The following IL1RL2 variants were observed in gnomAD, a reference collection of about 807,000 sequenced individuals.
IL1RL2 encodes the protein interleukin 1 receptor like 2.
A neutral mutation model predicts 66.8 loss-of-function variants in IL1RL2; 68 were observed. The ratio of observed to expected loss-of-function variants is 1.02; its 90% CI spans 0.84 to 1.25. The LOEUF is 1.25. Ranked by LOEUF, IL1RL2 falls within the 50% of genes most tolerant of loss-of-function variation. IL1RL2 has a pLI of 0.00. For synonymous variants in IL1RL2, 305 were observed against 264.6 expected (o/e 1.15, Z -1.48); for missense variants, 729 against 709.3 (o/e 1.03, Z -0.32).
intron 11 of IL1RL2, 117 bp from the exon 12 acceptor site, chr2:102,239,075 C>A: frequency 1.2e-6 from 1 of 822,668 alleles, no homozygotes; most frequent in South Asian, 1.4e-5. Context: ...CAGGGATATA[C>A]CACCAGATGA....
At chr2:102,225,437 G>A (rs1241513418) in intron 8 of IL1RL2, among the ~76,000 whole-genome samples, 1 of 152,202 alleles carries the variant, frequency 6.6e-6, no homozygotes, top group African/African-American at 2.4e-5. Flanking sequence ...GAGTCCAGCT[G>A]TTCAACTTTG....
intron 4 of IL1RL2, among the ~76,000 whole-genome samples, chr2:102,199,945 G>GC (rs1350008356): frequency 6.6e-6 from 1 of 152,020 alleles, no homozygotes; most frequent in African/African-American, 2.4e-5. Context: ...GACTCCTTGA[G>GC]CTCAGGTGTT....
chr2:102,193,109 G>T (rs913825937), intron 4 of IL1RL2, among the ~76,000 whole-genome samples: 2 of 152,092 alleles, frequency 1.3e-5, no homozygotes, highest in Non-Finnish European at 2.9e-5. Context: ...TCAGAGACTT[G>T]TCAGTTCTAG....
chr2:102,213,212 AAAGT>A (rs1271047735), intron 6 of IL1RL2, among the ~76,000 whole-genome samples: 3 of 152,212 alleles, frequency 2.0e-5, no homozygotes, highest in Non-Finnish European at 4.4e-5. Context: ...ATTTACTAGG[AAAGT>A]AAGAGTCTAC....
intron 5 of IL1RL2, among the ~76,000 whole-genome samples, chr2:102,204,585 T>C (rs1225029994): frequency 6.6e-6 from 1 of 152,144 alleles, no homozygotes; most frequent in Non-Finnish European, 1.5e-5. Context: ...TTATATCCTC[T>C]TGCTGAATTG....
At chr2:102,196,058 TG>T (rs1346831171) in intron 4 of IL1RL2, among the ~76,000 whole-genome samples, 2 of 152,122 alleles carry the variant, frequency 1.3e-5, no homozygotes, top group African/African-American at 4.8e-5. Flanking sequence ...TCTTAAGTTT[TG>T]TATAAGTCCT....
chr2:102,199,342 T>C (rs1296773393), intron 4 of IL1RL2, among the ~76,000 whole-genome samples: 2 of 152,248 alleles, frequency 1.3e-5, no homozygotes. Flanking sequence ...TTCATGGTTT[T>C]CTGTGACAGG....
chr2:102,229,462 A>C (rs1223608223), intron 9 of IL1RL2, among the ~76,000 whole-genome samples: 2 of 152,174 alleles, frequency 1.3e-5, no homozygotes, highest in Non-Finnish European at 2.9e-5. Context: ...CTATGCACTC[A>C]CCAGCTGGGA....
chr2:102,207,016 A>G (rs1322700993), intron 5 of IL1RL2, among the ~76,000 whole-genome samples: 1 of 152,176 alleles, frequency 6.6e-6, no homozygotes, highest in Non-Finnish European at 1.5e-5. Context: ...CTCAGCATCC[A>G]TAGCCAGTGC....
intron 6 of IL1RL2, among the ~76,000 whole-genome samples, chr2:102,212,392 G>A (rs189962878): frequency 6.6e-6 from 1 of 152,300 alleles, no homozygotes; most frequent in East Asian, 1.9e-4. Context: ...GTCTGGCAAT[G>A]AGGACTATGG....
chr2:102,191,936 G>A lies in IL1RL2; in HGVS notation c.305G>A (p.Ser102Asn). The change falls in exon 4 of 12, where the codon AGC (serine) becomes AAC (asparagine). Residue 102 changes from serine (S) to asparagine (N), a missense_variant. Transcript: ENST00000264257. ...AATCTGTCTTACAGGGGTAGAGACA[G>A]CTGTCATAGAATACATGTAAACCTA... ...VYQCVIKGRD[S>N]CHRIHVNLTV... The A allele has an allele frequency of 6.2e-7, 1 of 1,607,574 alleles. No individual in the cohort carries two copies. The highest frequency in any genetic ancestry group is 8.5e-7 in the Non-Finnish European group (1 of 1,176,440).
At position 102,226,069 on chromosome 2, in the gene IL1RL2, C is replaced by T. The variant is rs771957765; in HGVS notation, c.1135+28C>T. ...AAGTGTGTGTAATCACTGAAAAATG[C>T]CTCAAAATTGGTATCCTCTTATACA... On this transcript the variant is annotated intron_variant, in intron 9 of 11. Transcript: ENST00000264257. 20 of 1,534,422 alleles carry T rather than the reference C, an allele frequency of 1.3e-5. No homozygotes were observed. In the South Asian group the frequency reaches 2.4e-4, roughly 18 times the overall value.
In IL1RL2 at chr2:102,192,065, C is replaced by T; in HGVS notation, c.434C>T (p.Thr145Ile). The T allele has an allele frequency of 6.2e-7, 1 of 1,610,728 alleles. No homozygotes were observed. The highest frequency in any genetic ancestry group is 8.5e-7 in the Non-Finnish European group (1 of 1,178,784). ...ILHLGKDDSL[T>I]CHLHFPKSCV... ...CATCTTGGAAAAGATGATAGTCTCA[C>T]ATGTCATCTGCACTTCCCGAAGAGT... Residue 145 changes from threonine to isoleucine, a missense_variant, in exon 4 of 12, where the codon ACA becomes ATA. Transcript: ENST00000264257.
chr2:102,195,617 CTTT>C (rs1687658778), intron 4 of IL1RL2, among the ~76,000 whole-genome samples: 1 of 17,146 alleles, frequency 5.8e-5, no homozygotes, highest in African/African-American at 1.4e-4. Flanking sequence ...TTCTTTCTTT[CTTT>C]CTTTCTTTCT....
chr2:102,233,455 C>T (rs568927089), intron 10 of IL1RL2, among the ~76,000 whole-genome samples: 4 of 152,306 alleles, frequency 2.6e-5, no homozygotes, highest in East Asian at 1.9e-4. Flanking sequence ...TGAAAGGTGG[C>T]GAGTGGTCAT....
chr2:102,227,499 C>T (rs1030428938), intron 9 of IL1RL2, among the ~76,000 whole-genome samples: 1 of 152,136 alleles, frequency 6.6e-6, no homozygotes, highest in Non-Finnish European at 1.5e-5. Context: ...TGACAAAAGT[C>T]ATCTGAACCT....
chr2:102,214,886 A>G (rs1438312661), intron 6 of IL1RL2, among the ~76,000 whole-genome samples: 3 of 152,206 alleles, frequency 2.0e-5, no homozygotes. Context: ...AAATAGCTAC[A>G]TTTTGACTAG....
At chr2:102,187,121 C>T in intron 1 of IL1RL2, 35 bp downstream of exon 1, 1 of 1,287,530 alleles carries the variant, frequency 7.8e-7, no homozygotes. Context: ...CTGAGCCAGG[C>T]ATGGGTGGGG....
chr2:102,188,605 G>GAAAAAAAAAA (rs1686939140), intron 2 of IL1RL2, among the ~76,000 whole-genome samples: 5 of 108,116 alleles, frequency 4.6e-5, no homozygotes, highest in Non-Finnish European at 6.1e-5. Context: ...AAAAAAAAAG[G>GAAAAAAAAAA]AAATTTGGTA....
Sources: gnomAD v4.1 joint callset for allele counts (sites outside exome capture counted in the v4.1 genomes callset) on GRCh38, gnomAD v4.1.1 for gene constraint, MANE v1.5 for transcripts, NCBI Gene and HGNC (gene_info 2026-07-23, HGNC 2026-07-21) for gene names.